The following SYCP1 variants were observed in gnomAD, a reference collection of about 807,000 sequenced individuals.
SYCP1 encodes synaptonemal complex protein 1.
SYCP1 carries 64 observed loss-of-function variants against 153.1 expected under a neutral mutation model. The observed-to-expected ratio is 0.42, with a 90% CI of 0.34 to 0.51. The LOEUF is 0.51. Among genes scored for constraint, SYCP1 ranks in the 20% least tolerant of loss-of-function variants. The probability of loss-of-function intolerance (pLI) is 0.06; values close to 1 mark genes in which losing one functional copy is unlikely to be tolerated. For synonymous variants in SYCP1, 384 were observed against 341.8 expected (o/e 1.12, Z -1.36); for missense variants, 997 against 1,049.0 (o/e 0.95, Z 0.68).
chr1:114,862,418 G>A (rs1180683277), intron 8 of SYCP1, among the ~76,000 whole-genome samples: 2 of 150,720 alleles, frequency 1.3e-5, no homozygotes, highest in South Asian at 2.1e-4. Context: ...GCACAATCTC[G>A]GCTCACTGCA....
At chr1:114,994,608 T>A (rs1235360914) in intron 30 of SYCP1, 90 bp from the exon 31 acceptor site, 12 of 931,106 alleles carry the variant, frequency 1.3e-5, no homozygotes, top group Non-Finnish European at 1.8e-5. Context: ...TACTCTTTGT[T>A]CTCCTCACAT....
chr1:114,928,238 A>C lies in SYCP1; in HGVS notation c.1926+1675A>C, dbSNP rs1409889755. Among the ~76,000 whole-genome samples the C allele has an allele frequency of 4.6e-5, 7 of 152,322 alleles. No individual in the cohort carries two copies. In the South Asian group the frequency reaches 1.5e-3, roughly 32 times the overall value. On this transcript the variant is annotated intron_variant, in intron 23 of 31. Coordinates refer to ENST00000369522, the MANE Select transcript of SYCP1 (RefSeq NM_003176.4). ...GATAGGCACAAAACCATATGTAGGCAGTCATATCTTAGTCAAAGTGCTAAA... is the reference window on the plus strand; with the variant it reads ...GATAGGCACAAAACCATATGTAGGCCGTCATATCTTAGTCAAAGTGCTAAA...
intron 20 of SYCP1, among the ~76,000 whole-genome samples, chr1:114,921,648 C>CAAA (rs60500508): frequency 5.9e-5 from 8 of 135,294 alleles, no homozygotes; most frequent in South Asian, 2.4e-4. Context: ...GACTCTGTCT[C>CAAA]AAAAAAAAAA....
intron 23 of SYCP1, among the ~76,000 whole-genome samples, chr1:114,927,960 A>G (rs1669366993): frequency 6.6e-6 from 1 of 152,020 alleles, no homozygotes; most frequent in South Asian, 2.1e-4. Context: ...AGCTGAGACT[A>G]CAGGAGTATG....
At chr1:114,986,875 G>C (rs531679425) in intron 30 of SYCP1, among the ~76,000 whole-genome samples, 17 of 152,010 alleles carry the variant, frequency 1.1e-4, no homozygotes, top group African/African-American at 3.6e-4. Flanking sequence ...GTTAATTTAG[G>C]TTGATTTCAG....
At chr1:114,921,165 A>T (rs575601568) in intron 20 of SYCP1, among the ~76,000 whole-genome samples, 37 of 151,860 alleles carry the variant, frequency 2.4e-4, no homozygotes, top group African/African-American at 8.9e-4. Context: ...ATTTGAAGTT[A>T]CCATTAGGCT....
intron 30 of SYCP1, among the ~76,000 whole-genome samples, chr1:114,993,261 CTTA>C (rs529246397): frequency 2.0e-5 from 3 of 151,486 alleles, no homozygotes; most frequent in Non-Finnish European, 3.0e-5. Flanking sequence ...AGCTCTATGA[CTTA>C]TTTATTGAAT....
intron 8 of SYCP1, among the ~76,000 whole-genome samples, chr1:114,866,192 T>C (rs570782724): frequency 6.6e-6 from 1 of 152,190 alleles, no homozygotes; most frequent in East Asian, 1.9e-4. Context: ...TTTGAGTAAA[T>C]ACCAAGGAGC....
At chr1:114,967,220 G>T (rs534395181) in intron 27 of SYCP1, among the ~76,000 whole-genome samples, 1 of 152,280 alleles carries the variant, frequency 6.6e-6, no homozygotes, top group East Asian at 1.9e-4. Flanking sequence ...TTCAAGTCGT[G>T]AATATCCTTG....
rs543009585 is a variant in SYCP1, at chr1:114,961,720, C to T, written c.2322+14400C>T. On this transcript the variant is annotated intron_variant, in intron 27 of 31. Transcript: ENST00000369522. The stretch of plus-strand genomic sequence containing the variant: ...TCTGAGAGAGTACTTGATATAATTT[C>T]GATGTTCTTAATTCATTGAGACCTG... Among the ~76,000 whole-genome samples, 27 of 152,122 alleles carry T rather than the reference C, an allele frequency of 1.8e-4. No homozygotes were observed. The South Asian group carries it at 5.0e-3, about 28-fold the overall frequency.
chr1:114,958,440 G>T (rs1232106126), intron 27 of SYCP1, among the ~76,000 whole-genome samples: 1 of 151,666 alleles, frequency 6.6e-6, no homozygotes, highest in East Asian at 1.9e-4. Context: ...GAGAAGAATT[G>T]GAATATTCCC....
intron 27 of SYCP1, among the ~76,000 whole-genome samples, chr1:114,954,575 A>ATTT (rs1162608738): frequency 6.7e-6 from 1 of 149,926 alleles, no homozygotes; most frequent in African/African-American, 2.5e-5. Context: ...TTATTTATTT[A>ATTT]TTTATTTTTT....
At chr1:114,939,944 C>T (rs944183970) in intron 23 of SYCP1, among the ~76,000 whole-genome samples, 3 of 152,080 alleles carry the variant, frequency 2.0e-5, no homozygotes, top group African/African-American at 7.2e-5. Flanking sequence ...GGGTTTCATC[C>T]AGTTCATCTA....
chr1:114,941,543 A>G (rs1207376751), intron 23 of SYCP1, among the ~76,000 whole-genome samples: 5 of 152,054 alleles, frequency 3.3e-5, no homozygotes, highest in Non-Finnish European at 5.9e-5. Flanking sequence ...TTTTACTGGT[A>G]TATTTGGCCT....
chr1:114,978,606 A>G (rs888656202), intron 28 of SYCP1, among the ~76,000 whole-genome samples: 2 of 151,678 alleles, frequency 1.3e-5, no homozygotes, highest in Non-Finnish European at 1.5e-5. Context: ...TTCTTTACAT[A>G]TAGTGATATA....
intron 8 of SYCP1, among the ~76,000 whole-genome samples, chr1:114,861,684 G>A (rs952428581): frequency 2.0e-5 from 3 of 151,884 alleles, no homozygotes; most frequent in Non-Finnish European, 4.4e-5. Flanking sequence ...GTATTGTCCT[G>A]AAAATTAAAT....
intron 16 of SYCP1, among the ~76,000 whole-genome samples, chr1:114,906,263 G>A (rs776307233): frequency 3.9e-5 from 6 of 151,938 alleles, no homozygotes; most frequent in African/African-American, 7.2e-5. Flanking sequence ...CACCGTGACC[G>A]GCCCCTTTTT....
At chr1:114,936,203 C>T (rs969297082) in intron 23 of SYCP1, among the ~76,000 whole-genome samples, 12 of 152,172 alleles carry the variant, frequency 7.9e-5, no homozygotes, top group Non-Finnish European at 1.6e-4. Flanking sequence ...GCTTATCCAC[C>T]ACAATCAAGT....
intron 15 of SYCP1, among the ~76,000 whole-genome samples, chr1:114,887,934 G>A (rs1666426799): frequency 6.6e-6 from 1 of 152,010 alleles, no homozygotes; most frequent in South Asian, 2.1e-4. Context: ...AGAGGTCTGA[G>A]TCTCCTAACA....
Sources: allele counts gnomAD v4.1 joint callset (sites outside exome capture counted in the v4.1 genomes callset), GRCh38; gene constraint gnomAD v4.1.1; transcripts MANE v1.5; gene names NCBI Gene and HGNC (gene_info 2026-07-23, HGNC 2026-07-21).